Variants in CCDC141 observed in about 807,000 individuals in gnomAD.
CCDC141 encodes the protein coiled-coil domain-containing protein 141.
A neutral mutation model predicts 181.0 loss-of-function variants in CCDC141; 168 were observed. That is an observed-to-expected ratio of 0.93 (90% confidence interval 0.82 to 1.05). The LOEUF (loss-of-function observed/expected upper bound fraction) is 1.05. Ranked by LOEUF, CCDC141 falls within the 50% of genes least tolerant of loss-of-function variation. CCDC141 has a pLI of 0.00. For missense variants in CCDC141, 1,902 were observed against 1,788.5 expected, an observed-to-expected ratio of 1.06 and a Z score of -1.14; for synonymous variants, 666 against 642.3, an observed-to-expected ratio of 1.04 and a Z score of -0.56.
At chr2:179,021,828 T>G (rs557872029) in intron 2 of CCDC141, among the ~76,000 whole-genome samples, 1 of 152,290 alleles carries the variant, frequency 6.6e-6, no homozygotes, top group South Asian at 2.1e-4. Flanking sequence ...CTTAGTCCCT[T>G]TATAATTATG....
At chr2:178,821,344 A>T in the CCDC141 span, among the ~76,000 whole-genome samples, 1 of 152,112 alleles carries the variant, frequency 6.6e-6, no homozygotes, top group Non-Finnish European at 1.5e-5. Flanking sequence ...TTATTACCTT[A>T]TCTGTCTTCT....
intron 7 of CCDC141, among the ~76,000 whole-genome samples, chr2:178,911,089 AT>A (rs1312666679): frequency 6.6e-6 from 1 of 152,208 alleles, no homozygotes; most frequent in Non-Finnish European, 1.5e-5. Flanking sequence ...GATCTTGGGA[AT>A]ATTAATGTAG....
intron 7 of CCDC141, among the ~76,000 whole-genome samples, chr2:178,916,494 A>G (rs1186027814): frequency 2.6e-5 from 4 of 151,946 alleles, no homozygotes; most frequent in Non-Finnish European, 5.9e-5. Context: ...ACATAATTTC[A>G]TCATTTATTT....
intron 20 of CCDC141, 78 bp downstream of exon 20, chr2:178,853,363 C>T: frequency 7.4e-7 from 1 of 1,344,252 alleles, no homozygotes; most frequent in Non-Finnish European, 1.0e-6. Flanking sequence ...ACTTGCCACA[C>T]TCTTGCTGTC....
At chr2:178,946,699 A>G (rs187851007) in intron 5 of CCDC141, among the ~76,000 whole-genome samples, 27 of 152,314 alleles carry the variant, frequency 1.8e-4, no homozygotes, top group African/African-American at 6.5e-4. Flanking sequence ...GCCAGCAGTG[A>G]TGAAAGCTGG....
In CCDC141 at chr2:178,978,844, C is replaced by G. The variant is rs565918796; in HGVS notation, c.226-169G>C. Among the ~76,000 whole-genome samples the G allele has an allele frequency of 1.6e-4, 24 of 152,250 alleles. No individual in the cohort carries two copies. In the South Asian group the frequency reaches 3.3e-3, roughly 21 times the overall value. ...TATCAAACAGGAAGGAAGGAGCGAT[C>G]AGGATTGAGGTGAGCCAGGAAGCAT... On this transcript the variant is annotated intron_variant, in intron 2 of 23. Transcript: ENST00000443758.
chr2:178,853,473 T>C lies in CCDC141; in HGVS notation c.3212A>G (p.Gln1071Arg). 6.2e-7 allele frequency: 1 copy of C among 1,614,124 alleles called. No individual in the cohort carries two copies. Among genetic ancestry groups the C allele is most frequent in the East Asian group, 2.2e-5 (1 of 44,868 alleles). The change falls in exon 20 of 24, where the codon CAG becomes CGG. Residue 1071 changes from glutamine (Q) to arginine (R), a missense_variant. Gln to Arg is a conservative substitution (Grantham distance 43). Transcript: ENST00000443758. ...PSVPQQEERI[Q>R]EATDLAQHLY... ...GTGCTGAGCAAGGTCAGTGGCCTCC[T>C]GAATCCTTTCTTCTTGCTGCGGCAC...
chr2:179,027,500 C>G (rs1474916148), intron 2 of CCDC141, among the ~76,000 whole-genome samples: 3 of 151,768 alleles, frequency 2.0e-5, no homozygotes, highest in African/African-American at 7.3e-5. Context: ...AAAAAAATAG[C>G]TGGGCATGGT....
Position 179,015,507 on chromosome 2 carries a change from C to A in CCDC141, c.225+31777G>T, listed in dbSNP as rs372881694. Among the ~76,000 whole-genome samples, 4 of 117,216 alleles carry A rather than the reference C, an allele frequency of 3.4e-5. No individual in the cohort carries two copies. In the South Asian group the frequency reaches 8.3e-4, roughly 24 times the overall value. The allele number at this position is 117,216 out of a possible 152,430, so 76.9% of individuals were successfully genotyped here. ...TATATCATATATGTGCCATATATAT[C>A]ATATATGTATCACATATATCTCATA... On this transcript the variant is annotated intron_variant, in intron 2 of 23. Transcript: ENST00000443758.
rs766077395 is a variant in CCDC141 at position 178,837,315 on chromosome 2, A to T, written c.3904T>A (p.Ser1302Thr). The T allele has an allele frequency of 3.1e-6, 5 of 1,613,932 alleles. No homozygotes were observed. The South Asian group carries it at 3.3e-5, about 11-fold the overall frequency. ...GTACTCTTTTCCACGAATCCTCTGG[A>T]GGTTAGTGGGGGCTCAGCTTTGAAC... ...LQFKAEPPLT[S>T]RGFVEKSTAL... The change falls in exon 23 of 24, where the codon TCC (serine) becomes ACC (threonine). Residue 1302 changes from serine to threonine, a missense_variant. Coordinates refer to ENST00000443758, the MANE Select transcript of CCDC141 (RefSeq NM_173648.4).
At chr2:178,989,914 C>A (rs184226619) in intron 2 of CCDC141, among the ~76,000 whole-genome samples, 7 of 148,376 alleles carry the variant, frequency 4.7e-5, no homozygotes, top group Non-Finnish European at 8.9e-5. Context: ...CTGAGGCAGG[C>A]GGATCACCTG....
At chr2:178,943,108 T>C (rs1689587727) in intron 6 of CCDC141, among the ~76,000 whole-genome samples, 2 of 152,254 alleles carry the variant, frequency 1.3e-5, no homozygotes, top group East Asian at 3.9e-4. Context: ...TTTTTTGGTA[T>C]TAAAGGAAGT....
chr2:178,965,704 C>T (rs551967469), intron 4 of CCDC141, among the ~76,000 whole-genome samples: 5 of 152,298 alleles, frequency 3.3e-5, no homozygotes, highest in Admixed American at 6.5e-5. Flanking sequence ...GGGCAGACAC[C>T]GAACTAGCTG....
At chr2:178,980,394 G>A (rs932684589) in intron 2 of CCDC141, among the ~76,000 whole-genome samples, 2 of 152,052 alleles carry the variant, frequency 1.3e-5, no homozygotes, top group African/African-American at 4.8e-5. Flanking sequence ...AGCTTGCAGT[G>A]AGCTGAGATC....
chr2:178,911,172 A>C (rs2154373684), intron 7 of CCDC141, among the ~76,000 whole-genome samples: 1 of 152,354 alleles, frequency 6.6e-6, no homozygotes, highest in African/African-American at 2.4e-5. Flanking sequence ...TTTATGGACT[A>C]TGTACTCAGC....
At chr2:179,025,904 T>A (rs2042830346) in intron 2 of CCDC141, among the ~76,000 whole-genome samples, 2 of 152,160 alleles carry the variant, frequency 1.3e-5, no homozygotes, top group Non-Finnish European at 2.9e-5. Flanking sequence ...TGGTATTTTG[T>A]CCCTGCCCTA....
At position 178,865,673 on chromosome 2, in the gene CCDC141, G is replaced by A. The variant is rs1575145662; in HGVS notation, c.2724+94C>T. 3 of 1,171,958 alleles carry A rather than the reference G, an allele frequency of 2.6e-6. No homozygotes were observed. The African/African-American group carries it at 4.7e-5, about 18-fold the overall frequency. 72.6% of individuals were successfully genotyped at this position (1,171,958 alleles called of 1,614,324 possible). ...TGATTCATTGTGTGTTTGCATGTGT[G>A]TGGGAGTGTGCACAAATGTGGACAT... On this transcript the variant is annotated intron_variant, in intron 17 of 23. Transcript: ENST00000443758.
intron 17 of CCDC141, among the ~76,000 whole-genome samples, chr2:178,859,027 G>A (rs1001355243): frequency 2.6e-5 from 4 of 152,140 alleles, no homozygotes; most frequent in Admixed American, 1.3e-4. Flanking sequence ...GCTTCAGAAC[G>A]TGTGCACTTC....
chr2:178,893,825 A>ACACACACACACACG, intron 8 of CCDC141, among the ~76,000 whole-genome samples: 1 of 104,274 alleles, frequency 9.6e-6, no homozygotes, highest in Admixed American at 1.0e-4. Context: ...ACACACACGC[A>ACACACACACACACG]CACACACACA....
Sources: gnomAD v4.1 joint callset for allele counts (sites outside exome capture counted in the v4.1 genomes callset) on GRCh38, gnomAD v4.1.1 for gene constraint, MANE v1.5 for transcripts, NCBI Gene and HGNC (gene_info 2026-07-23, HGNC 2026-07-21) for gene names.